SSBP3: variants seen among roughly 807,000 people sequenced by gnomAD.
SSBP3 encodes single stranded DNA binding protein 3, also known as single-stranded DNA-binding protein 3.
SSBP3 carries 5 observed loss-of-function variants against 69.6 expected under a neutral mutation model. The observed-to-expected ratio is 0.07, with a 90% CI of 0.04 to 0.15. SSBP3 has a LOEUF of 0.15. Among genes scored for constraint, SSBP3 ranks in the 10% least tolerant of loss-of-function variants. The probability of loss-of-function intolerance (pLI) is 1.00; values close to 1 mark genes in which losing one functional copy is unlikely to be tolerated. For synonymous variants in SSBP3, 196 were observed against 193.4 expected (o/e 1.01, Z -0.11); for missense variants, 312 against 534.0 (o/e 0.58, Z 4.10).
chr1:54,306,459 C>A (rs966824007), intron 4 of SSBP3, among the ~76,000 whole-genome samples: 1 of 152,152 alleles, frequency 6.6e-6, no homozygotes, highest in Admixed American at 6.5e-5. Context: ...AGTAAAAAGC[C>A]CGGCCACACT....
chr1:54,280,496 C>T (rs1024558951), intron 5 of SSBP3, among the ~76,000 whole-genome samples: 1 of 152,230 alleles, frequency 6.6e-6, no homozygotes, highest in African/African-American at 2.4e-5. Flanking sequence ...ACAGCTCTTT[C>T]CATGTTCTTA....
At chr1:54,328,329 A>G (rs922953287) in intron 4 of SSBP3, among the ~76,000 whole-genome samples, 3 of 152,178 alleles carry the variant, frequency 2.0e-5, no homozygotes, top group African/African-American at 7.2e-5. Flanking sequence ...AGCACGACCC[A>G]CCTGAGGCAG....
intron 4 of SSBP3, among the ~76,000 whole-genome samples, chr1:54,378,070 C>T (rs533199177): frequency 3.0e-4 from 46 of 152,274 alleles, no homozygotes; most frequent in African/African-American, 9.4e-4. Context: ...GTCCCCTGCA[C>T]TCTCCTGACG....
At chr1:54,259,530 G>A (rs1190311690) in intron 5 of SSBP3, among the ~76,000 whole-genome samples, 2 of 152,226 alleles carry the variant, frequency 1.3e-5, no homozygotes, top group African/African-American at 4.8e-5. Flanking sequence ...CCCCACCCAT[G>A]ACTGTGCTGT....
At position 54,289,031 on chromosome 1, in the gene SSBP3, A is replaced by ACAAC. The variant is rs962915199; in HGVS notation, c.277-7505_277-7504insGTTG. Among the ~76,000 whole-genome samples the ACAAC allele has an allele frequency of 1.0e-4, 9 of 86,766 alleles. No homozygotes were observed. The South Asian group carries it at 2.0e-3, about 19-fold the overall frequency. The allele number at this position is 86,766 out of a possible 152,430, so 56.9% of individuals were successfully genotyped here. ...CTAGACTCTGTCTCCAAAAAAAAAA[A>ACAAC]AAAAACAAAAAAACAAAAAAAAAAA... On this transcript the variant is annotated intron_variant, in intron 4 of 17. Transcript: ENST00000610401.
At chr1:54,227,190 G>GT (rs1557433279) in intron 17 of SSBP3, 30 bp from the exon 18 acceptor site, 9 of 1,158,718 alleles carry the variant, frequency 7.8e-6, no homozygotes, top group Non-Finnish European at 1.0e-5. Flanking sequence ...AAGGGGGGGG[G>GT]GTGAGGATTG....
intron 4 of SSBP3, among the ~76,000 whole-genome samples, chr1:54,333,937 T>C (rs1237716378): frequency 6.6e-6 from 1 of 152,040 alleles, no homozygotes; most frequent in Admixed American, 6.6e-5. Context: ...TGGTGATGTG[T>C]TGTCTGCTAC....
At chr1:54,273,482 G>A (rs751849790) in intron 5 of SSBP3, among the ~76,000 whole-genome samples, 3 of 152,218 alleles carry the variant, frequency 2.0e-5, no homozygotes, top group Admixed American at 6.5e-5. Context: ...CCCCAGTGCC[G>A]GTCATCTGCC....
At chr1:54,275,224 A>G (rs1317204591) in intron 5 of SSBP3, among the ~76,000 whole-genome samples, 2 of 152,198 alleles carry the variant, frequency 1.3e-5, no homozygotes, top group Admixed American at 6.5e-5. Flanking sequence ...CGGGTCTCAC[A>G]TGACGGGGAC....
At position 54,406,409 on chromosome 1, in the gene SSBP3, C is replaced by G. The variant is rs1204308627; in HGVS notation, c.-401G>C. ...GCCGCTGGTCTACTTGGAGCTCAAC[C>G]GAACGTGGCTACCCGGGCGAGGGAG... On this transcript the variant is annotated 5_prime_UTR_variant, in exon 1 of 18. Coordinates refer to ENST00000610401, the Ensembl canonical transcript of SSBP3. The G allele has an allele frequency of 6.5e-6, 1 of 154,256 alleles. No homozygotes were observed. The highest frequency in any genetic ancestry group is 1.4e-5 in the Non-Finnish European group (1 of 70,002). 9.6% of individuals were successfully genotyped at this position (154,256 alleles called of 1,614,324 possible). A position where few individuals can be genotyped will look rare whatever the true frequency, so the allele number is the denominator to read the frequency against.
At chr1:54,293,226 AGAG>A (rs925057976) in intron 4 of SSBP3, among the ~76,000 whole-genome samples, 42 of 152,072 alleles carry the variant, frequency 2.8e-4, no homozygotes, top group Non-Finnish European at 5.1e-4. Flanking sequence ...CCCACCAAGA[AGAG>A]GGCCAGAGCA....
intron 9 of SSBP3, among the ~76,000 whole-genome samples, chr1:54,247,862 G>A (rs894445671): frequency 1.3e-5 from 2 of 152,210 alleles, no homozygotes; most frequent in African/African-American, 4.8e-5. Flanking sequence ...GTTACTACCT[G>A]ATACTGACAT....
At chr1:54,333,534 G>A (rs1303472157) in intron 4 of SSBP3, among the ~76,000 whole-genome samples, 1 of 152,134 alleles carries the variant, frequency 6.6e-6, no homozygotes, top group Non-Finnish European at 1.5e-5. Flanking sequence ...AGCACTTTGG[G>A]AGGCTGAGGG....
At chr1:54,389,870 C>T (rs1379912807) in intron 4 of SSBP3, among the ~76,000 whole-genome samples, 1 of 139,922 alleles carries the variant, frequency 7.1e-6, no homozygotes, top group Non-Finnish European at 1.5e-5. Flanking sequence ...CACAGCAAGA[C>T]CCTGTCTCAA....
At chr1:54,229,639 G>T (rs1308879941) in intron 14 of SSBP3, among the ~76,000 whole-genome samples, 1 of 152,172 alleles carries the variant, frequency 6.6e-6, no homozygotes, top group Non-Finnish European at 1.5e-5. Flanking sequence ...CGGAAAGGAA[G>T]ACCAGAAAGG....
At chr1:54,289,815 T>C (rs1645571537) in intron 4 of SSBP3, among the ~76,000 whole-genome samples, 1 of 151,780 alleles carries the variant, frequency 6.6e-6, no homozygotes, top group African/African-American at 2.4e-5. Context: ...ATCTCCAGGG[T>C]AGGGGGTGGG....
intron 4 of SSBP3, among the ~76,000 whole-genome samples, chr1:54,365,380 T>A (rs2100651633): frequency 6.6e-6 from 1 of 152,132 alleles, no homozygotes; most frequent in East Asian, 1.9e-4. Context: ...AGGCTAGTGG[T>A]TAAGAAGTGT....
At chr1:54,383,271 G>C (rs1197765545) in intron 4 of SSBP3, among the ~76,000 whole-genome samples, 1 of 151,632 alleles carries the variant, frequency 6.6e-6, no homozygotes, top group Non-Finnish European at 1.5e-5. Context: ...CCAGCTACTC[G>C]GGAGGCTGAG....
rs542295497 is a variant in SSBP3 at position 54,302,035 on chromosome 1, G to A, written c.277-20508C>T. On this transcript the variant is annotated intron_variant, in intron 4 of 17. Coordinates refer to ENST00000610401, the Ensembl canonical transcript of SSBP3. ...CTCTCTGGATTCTCCTACAGCTCCA[G>A]AGGGCGGCTGGGTGGGGGTGGGGGG... is the stretch of plus-strand genomic sequence containing the variant. Among the ~76,000 whole-genome samples, 5 of 152,330 alleles carry A rather than the reference G, an allele frequency of 3.3e-5. No individual in the cohort carries two copies. In the South Asian group the frequency reaches 1.0e-3, roughly 32 times the overall value.
Sources: allele counts gnomAD v4.1 joint callset (sites outside exome capture counted in the v4.1 genomes callset), GRCh38; gene constraint gnomAD v4.1.1; transcripts MANE v1.5; gene names NCBI Gene and HGNC (gene_info 2026-07-23, HGNC 2026-07-21).